GALK2: variants seen among roughly 807,000 people sequenced by gnomAD.
GALK2 encodes galactokinase 2.
GALK2 carries 36 observed loss-of-function variants against 52.4 expected under a neutral mutation model. The ratio of observed to expected loss-of-function variants is 0.69; its 90% CI spans 0.53 to 0.91. The LOEUF (loss-of-function observed/expected upper bound fraction) is 0.91, where lower values mean the gene tolerates loss of function less well. GALK2 is among the 40% of genes least tolerant of loss of function. The pLI, the probability that GALK2 is intolerant of heterozygous loss-of-function variation, is 0.00. For synonymous variants in GALK2, 176 were observed against 199.1 expected (o/e 0.88, Z 0.98); for missense variants, 579 against 559.1 (o/e 1.04, Z -0.36).
At chr15:49,176,400 A>G (rs1048302988) in intron 1 of GALK2, among the ~76,000 whole-genome samples, 2 of 152,246 alleles carry the variant, frequency 1.3e-5, no homozygotes, top group Non-Finnish European at 2.9e-5. Flanking sequence ...TGTTAACTTG[A>G]ATCTATGTTC....
intron 3 of GALK2, among the ~76,000 whole-genome samples, chr15:49,224,480 A>T (rs902377739): frequency 6.6e-6 from 1 of 152,140 alleles, no homozygotes; most frequent in Admixed American, 6.5e-5. Context: ...TAAATCTTTT[A>T]TCCATCTTGA....
Position 49,283,509 on chromosome 15 carries a change from T to C in GALK2, c.604-57T>C. ...ACTTTAAGATAAATACATAAACACT[T>C]GAACATTTTCTGCATTCTAATAAAT... On this transcript the variant is annotated intron_variant, in intron 6 of 9. Coordinates refer to ENST00000560031, the MANE Select transcript of GALK2 (RefSeq NM_002044.4). 10 of 1,438,600 alleles carry C rather than the reference T, an allele frequency of 7.0e-6. No individual in the cohort carries two copies. In the South Asian group the frequency reaches 1.2e-4, roughly 18 times the overall value. 89.1% of individuals were successfully genotyped at this position (1,438,600 alleles called of 1,614,324 possible).
At chr15:49,270,557 G>A (rs900208762) in intron 5 of GALK2, among the ~76,000 whole-genome samples, 5 of 152,158 alleles carry the variant, frequency 3.3e-5, no homozygotes, top group African/African-American at 1.2e-4. Flanking sequence ...TTTGAGCACA[G>A]TGCAGTAAAA....
chr15:49,313,831 A>T (rs1255427801), intron 8 of GALK2, among the ~76,000 whole-genome samples: 2 of 151,904 alleles, frequency 1.3e-5, no homozygotes, highest in Non-Finnish European at 2.9e-5. Flanking sequence ...TTGCATGGAG[A>T]ACTTAAAATT....
At chr15:49,365,726 A>C in intron 3 of GALK2, 1 of 892,188 alleles carries the variant, frequency 1.1e-6, no homozygotes, top group South Asian at 1.3e-5. Context: ...GCAATCTCCA[A>C]GATATCTTGT....
At chr15:49,360,907 A>C (rs1240616508) in intron 3 of GALK2, among the ~76,000 whole-genome samples, 1 of 152,148 alleles carries the variant, frequency 6.6e-6, no homozygotes, top group East Asian at 1.9e-4. Flanking sequence ...CTCTCCATAC[A>C]TACCTCCAGT....
chr15:49,246,148 A>G (rs2091339966), intron 5 of GALK2, among the ~76,000 whole-genome samples: 1 of 152,166 alleles, frequency 6.6e-6, no homozygotes, highest in African/African-American at 2.4e-5. Flanking sequence ...GTTCTACAAG[A>G]TATGCCTGTA....
chr15:49,190,968 T>G (rs1416106101), intron 1 of GALK2, among the ~76,000 whole-genome samples: 1 of 152,170 alleles, frequency 6.6e-6, no homozygotes, highest in Non-Finnish European at 1.5e-5. Context: ...TTAAACCCCT[T>G]TAAATTTAAC....
At chr15:49,337,440 G>T (rs547128719) in intron 3 of GALK2, among the ~76,000 whole-genome samples, 4 of 128,794 alleles carry the variant, frequency 3.1e-5, no homozygotes. Flanking sequence ...CTCTGCTGAC[G>T]AGTGATGCTA....
chr15:49,188,692 G>C (rs1280199461), intron 1 of GALK2, among the ~76,000 whole-genome samples: 1 of 152,152 alleles, frequency 6.6e-6, no homozygotes, highest in South Asian at 2.1e-4. Flanking sequence ...ATCCCTAGAG[G>C]GTTCTATTTG....
intron 5 of GALK2, among the ~76,000 whole-genome samples, chr15:49,257,059 G>C (rs143241217): frequency 2.0e-5 from 3 of 152,190 alleles, no homozygotes; most frequent in African/African-American, 7.2e-5. Flanking sequence ...TTCCAGGCAG[G>C]GTTGATCCAC....
chr15:49,321,921 G>A (rs979647581), intron 9 of GALK2, among the ~76,000 whole-genome samples: 8 of 152,186 alleles, frequency 5.3e-5, no homozygotes, highest in Non-Finnish European at 8.8e-5. Context: ...GAGCAGGAAC[G>A]TAATGTGTAG....
intron 8 of GALK2, among the ~76,000 whole-genome samples, chr15:49,295,613 C>A (rs1487096815): frequency 6.6e-6 from 1 of 152,136 alleles, no homozygotes; most frequent in Non-Finnish European, 1.5e-5. Context: ...CTAGTCCTGT[C>A]TTAACTAAGT....
intron 5 of GALK2, among the ~76,000 whole-genome samples, chr15:49,274,298 A>T (rs552130715): frequency 1.4e-4 from 22 of 152,376 alleles, no homozygotes; most frequent in South Asian, 4.1e-4. Flanking sequence ...TAGAACCAGT[A>T]CAGCATATTA....
chr15:49,339,282 C>A (rs1442862362), intron 3 of GALK2, among the ~76,000 whole-genome samples: 3 of 152,126 alleles, frequency 2.0e-5, no homozygotes, highest in Non-Finnish European at 4.4e-5. Context: ...GTACCTTTGG[C>A]CTTTGAAGTT....
intron 1 of GALK2, 78 bp from the exon 2 acceptor site, chr15:49,201,084 G>A (rs941333900): frequency 5.2e-5 from 35 of 673,864 alleles, no homozygotes; most frequent in Non-Finnish European, 7.5e-5. Context: ...GTGTGTGTGT[G>A]TGTATGTATG....
intron 5 of GALK2, among the ~76,000 whole-genome samples, chr15:49,243,892 G>T (rs991744395): frequency 6.6e-6 from 1 of 151,928 alleles, no homozygotes; most frequent in African/African-American, 2.4e-5. Flanking sequence ...GGAGGCTAAG[G>T]CAGGAGGATC....
intron 5 of GALK2, among the ~76,000 whole-genome samples, chr15:49,258,459 G>C (rs1475819201): frequency 2.0e-5 from 3 of 151,966 alleles, no homozygotes; most frequent in African/African-American, 4.8e-5. Context: ...TGAGGTGGTG[G>C]GATATTGATG....
rs924876843 is a variant in GALK2 at position 49,292,461 on chromosome 15, T to C, written c.891T>C (p.Pro297=). Residue 297 remains proline, a synonymous_variant, in exon 8 of 10, where the codon CCT becomes CCC. Coordinates refer to ENST00000560031, the MANE Select transcript of GALK2 (RefSeq NM_002044.4). ...EDALHPEPYN[P]EEICRCLGIS... is the part of the protein sequence containing the mutation. ...CCCTTCATCCTGAACCCTATAACCC[T>C]GAGGAGATCTGCAGGTGTCTGGGAA... 1.2e-6 allele frequency: 2 copies of C among 1,613,896 alleles called. No individual in the cohort carries two copies. Among genetic ancestry groups the C allele is most frequent in the African/African-American group, 1.3e-5 (1 of 74,914 alleles).
Sources: allele counts gnomAD v4.1 joint callset (sites outside exome capture counted in the v4.1 genomes callset), GRCh38; gene constraint gnomAD v4.1.1; transcripts MANE v1.5; gene names NCBI Gene and HGNC (gene_info 2026-07-23, HGNC 2026-07-21).